PRKG2: variants seen among roughly 807,000 people sequenced by gnomAD.
PRKG2 encodes the protein cGMP-dependent protein kinase 2.
A neutral mutation model predicts 97.2 loss-of-function variants in PRKG2; 33 were observed. The observed-to-expected ratio is 0.34, with a 90% CI of 0.26 to 0.45. The LOEUF (loss-of-function observed/expected upper bound fraction) is 0.45. Among genes scored for constraint, PRKG2 ranks in the 20% least tolerant of loss-of-function variants. PRKG2 has a pLI of 1.00. For missense variants in PRKG2, 638 were observed against 900.0 expected (o/e 0.71, Z 3.73); for synonymous variants, 330 against 321.8 (o/e 1.03, Z -0.27).
chr4:81,106,374 G>A (rs1307410369), intron 15 of PRKG2, among the ~76,000 whole-genome samples: 1 of 152,150 alleles, frequency 6.6e-6, no homozygotes, highest in African/African-American at 2.4e-5. Context: ...GAGTGGGCCT[G>A]GGAGGTCCTG....
intron 3 of PRKG2, among the ~76,000 whole-genome samples, chr4:81,174,298 A>G (rs554896576): frequency 6.6e-6 from 1 of 152,224 alleles, no homozygotes; most frequent in Admixed American, 6.5e-5. Flanking sequence ...AACCACAATA[A>G]TAATTGTTTT....
At chr4:81,205,601 T>G (rs1213434854) in intron 1 of PRKG2, among the ~76,000 whole-genome samples, 1 of 152,222 alleles carries the variant, frequency 6.6e-6, no homozygotes, top group East Asian at 1.9e-4. Flanking sequence ...TCCTGCTGTA[T>G]GTATCTATTA....
chr4:81,206,698 C>T (rs764116363), intron 1 of PRKG2, among the ~76,000 whole-genome samples: 20 of 152,278 alleles, frequency 1.3e-4, no homozygotes, highest in Non-Finnish European at 2.8e-4. Flanking sequence ...CTGCCCCTCT[C>T]GCCCTCCAAA....
chr4:81,140,765 A>T, intron 11 of PRKG2, 96 bp from the exon 12 acceptor site: 3 of 1,104,332 alleles, frequency 2.7e-6, no homozygotes, highest in South Asian at 1.8e-5. Flanking sequence ...TTTAATTAGT[A>T]TGGAAGCCCT....
intron 17 of PRKG2, among the ~76,000 whole-genome samples, chr4:81,093,417 C>A (rs1234352747): frequency 6.7e-6 from 1 of 149,208 alleles, no homozygotes; most frequent in East Asian, 2.0e-4. Context: ...GCTTCTTATC[C>A]TCCTTCCCTA....
chr4:81,187,703 A>G (rs930520760), intron 2 of PRKG2, among the ~76,000 whole-genome samples: 11 of 152,196 alleles, frequency 7.2e-5, no homozygotes, highest in Non-Finnish European at 1.3e-4. Flanking sequence ...ACATGATTGT[A>G]TATTTCGCAA....
intron 14 of PRKG2, among the ~76,000 whole-genome samples, chr4:81,127,947 G>A (rs1745765827): frequency 1.3e-5 from 2 of 152,134 alleles, no homozygotes; most frequent in African/African-American, 4.8e-5. Flanking sequence ...TGTCCATTCA[G>A]TATGATATAG....
intron 14 of PRKG2, among the ~76,000 whole-genome samples, chr4:81,117,628 T>C (rs1173111329): frequency 6.6e-6 from 1 of 152,230 alleles, no homozygotes; most frequent in Non-Finnish European, 1.5e-5. Flanking sequence ...AAGGTAGTTA[T>C]ATAATGTTTT....
chr4:81,195,087 A>C (rs1752875091), intron 2 of PRKG2, among the ~76,000 whole-genome samples: 1 of 152,190 alleles, frequency 6.6e-6, no homozygotes, highest in African/African-American at 2.4e-5. Context: ...AACAACATGG[A>C]AGAGAGTTGA....
At chr4:81,175,100 C>T in intron 2 of PRKG2, 141 bp from the exon 3 acceptor site, 2 of 734,588 alleles carry the variant, frequency 2.7e-6, no homozygotes, top group Non-Finnish European at 4.1e-6. Flanking sequence ...CTAACCCCAC[C>T]AAACATTTCA....
At chr4:81,143,120 A>T (rs530725420) in intron 10 of PRKG2, among the ~76,000 whole-genome samples, 173 bp from the exon 11 acceptor site, 1 of 152,316 alleles carries the variant, frequency 6.6e-6, no homozygotes, top group East Asian at 1.9e-4. Context: ...GCAGCGAGAA[A>T]ACAATAGAAT....
At chr4:81,139,446 G>A (rs957936332) in intron 12 of PRKG2, among the ~76,000 whole-genome samples, 2 of 151,508 alleles carry the variant, frequency 1.3e-5, no homozygotes, top group African/African-American at 4.9e-5. Flanking sequence ...ATATATATAC[G>A]CACACACATT....
At chr4:81,127,613 A>G (rs6850736) in intron 14 of PRKG2, among the ~76,000 whole-genome samples, 13,913 of 152,052 alleles carry the variant, frequency 0.092, 787 homozygotes, top group Middle Eastern at 0.2. Flanking sequence ...AAAGGAGTTC[A>G]CTCATGATTC....
At chr4:81,144,701 G>T (rs551000842) in intron 9 of PRKG2, among the ~76,000 whole-genome samples, 1 of 150,646 alleles carries the variant, frequency 6.6e-6, no homozygotes. Context: ...CTGGTGTGCT[G>T]CACCCATTAA....
At chr4:81,188,700 A>G (rs962288009) in intron 2 of PRKG2, among the ~76,000 whole-genome samples, 3 of 122,956 alleles carry the variant, frequency 2.4e-5, no homozygotes, top group Non-Finnish European at 4.6e-5. Flanking sequence ...GCCATAAAAA[A>G]TGATGAGTTC....
chr4:81,188,587 G>A (rs1423844406), intron 2 of PRKG2, among the ~76,000 whole-genome samples: 19 of 134,330 alleles, frequency 1.4e-4, no homozygotes, highest in Admixed American at 8.4e-4. Context: ...TGTTTATTGC[G>A]GCACTATTCA....
At chr4:81,109,772 T>C (rs1297810083) in intron 15 of PRKG2, among the ~76,000 whole-genome samples, 1 of 152,160 alleles carries the variant, frequency 6.6e-6, no homozygotes, top group Non-Finnish European at 1.5e-5. Context: ...TGAGGTAATA[T>C]CACATATAGC....
intron 12 of PRKG2, among the ~76,000 whole-genome samples, chr4:81,139,365 T>C (rs1006791874): frequency 6.6e-6 from 1 of 152,162 alleles, no homozygotes; most frequent in Non-Finnish European, 1.5e-5. Context: ...CTGAATAAAA[T>C]AACCAGTTCA....
intron 1 of PRKG2, 146 bp from the exon 2 acceptor site, chr4:81,205,206 G>GAA (rs58414299): frequency 7.1e-4 from 338 of 477,326 alleles, no homozygotes; most frequent in Middle Eastern, 1.1e-3. Flanking sequence ...GAAGTTTCCA[G>GAA]AAAAAAAAAA....
Sources: gnomAD v4.1 joint callset for allele counts (sites outside exome capture counted in the v4.1 genomes callset) on GRCh38, gnomAD v4.1.1 for gene constraint, MANE v1.5 for transcripts, NCBI Gene and HGNC (gene_info 2026-07-23, HGNC 2026-07-21) for gene names.